NELL2: variants seen among roughly 807,000 people sequenced by gnomAD.
The protein encoded by NELL2 is neural EGFL like 2, also known as protein kinase C-binding protein NELL2.
In NELL2, 41 loss-of-function variants were observed where a neutral mutation model predicts 109.6. That is an observed-to-expected ratio of 0.37 (90% CI 0.29 to 0.49). The LOEUF is 0.49. Among genes scored for constraint, NELL2 ranks in the 20% least tolerant of loss-of-function variants. NELL2 has a pLI of 0.98. For missense variants in NELL2, 900 were observed against 1,008.3 expected (o/e 0.89, Z 1.45); for synonymous variants, 355 against 344.7 (o/e 1.03, Z -0.33).
intron 13 of NELL2, among the ~76,000 whole-genome samples, chr12:44,640,096 T>C (rs1371707043): frequency 6.6e-6 from 1 of 152,210 alleles, no homozygotes; most frequent in Non-Finnish European, 1.5e-5. Flanking sequence ...TGTATAGTTT[T>C]CATAGTTTAC....
intron 12 of NELL2, among the ~76,000 whole-genome samples, chr12:44,685,802 C>T (rs1412909310): frequency 6.6e-6 from 1 of 152,130 alleles, no homozygotes; most frequent in African/African-American, 2.4e-5. Flanking sequence ...GTCTGATGGG[C>T]TTCCCTTTGA....
intron 13 of NELL2, among the ~76,000 whole-genome samples, chr12:44,638,179 T>C (rs1946718862): frequency 6.6e-6 from 1 of 152,110 alleles, no homozygotes; most frequent in South Asian, 2.1e-4. Flanking sequence ...TTCCTTCCTC[T>C]AGTCTTTCTT....
intron 2 of NELL2, among the ~76,000 whole-genome samples, chr12:44,859,977 T>G (rs1944791144): frequency 1.3e-5 from 2 of 152,220 alleles, no homozygotes; most frequent in Non-Finnish European, 1.5e-5. Flanking sequence ...GTGTTGTCCC[T>G]TCTATCTTCA....
intron 1 of NELL2, among the ~76,000 whole-genome samples, chr12:44,907,349 A>C (rs1393593618): frequency 6.6e-6 from 1 of 152,142 alleles, no homozygotes; most frequent in Non-Finnish European, 1.5e-5. Context: ...AAAGCTCTGA[A>C]AGAGAAAAAC....
chr12:44,902,875 T>C (rs1336919195), intron 1 of NELL2, among the ~76,000 whole-genome samples: 1 of 152,194 alleles, frequency 6.6e-6, no homozygotes, highest in Non-Finnish European at 1.5e-5. Flanking sequence ...ACTGTACCCC[T>C]TCCTTATACC....
At chr12:44,588,734 A>AT (rs1944637085) in intron 15 of NELL2, among the ~76,000 whole-genome samples, 1 of 152,154 alleles carries the variant, frequency 6.6e-6, no homozygotes, top group East Asian at 1.9e-4. Context: ...TTTTAACCAT[A>AT]TTTAAGTGTA....
chr12:44,753,326 C>T (rs1364964385), intron 9 of NELL2, among the ~76,000 whole-genome samples: 2 of 152,186 alleles, frequency 1.3e-5, no homozygotes, highest in Non-Finnish European at 2.9e-5. Context: ...CATTCCCTAC[C>T]TTGTCCCTTC....
intron 3 of NELL2, among the ~76,000 whole-genome samples, chr12:44,799,818 T>C (rs945131164): frequency 2.0e-5 from 3 of 152,156 alleles, no homozygotes; most frequent in African/African-American, 7.2e-5. Flanking sequence ...ATGAAACTCC[T>C]ACCCAAGAGT....
intron 15 of NELL2, among the ~76,000 whole-genome samples, chr12:44,560,762 G>T (rs559995176): frequency 6.6e-6 from 1 of 152,292 alleles, no homozygotes; most frequent in Non-Finnish European, 1.5e-5. Flanking sequence ...ATAAAGAGGA[G>T]CTGCTATCAT....
At position 44,508,547 on chromosome 12, in the gene NELL2, T is replaced by C. The variant is rs1940830797; in HGVS notation, c.*387A>G. On this transcript the variant is annotated 3_prime_UTR_variant, in exon 20 of 20. Transcript: ENST00000429094. ...TTCATTCACTGCCTGACATTTTATT[T>C]CTTGCAGTGAGGAACCTAACTGATT... 5.9e-6 allele frequency: 1 copy of C among 168,352 alleles called. No individual in the cohort carries two copies. Among genetic ancestry groups the C allele is most frequent in the African/African-American group, 2.4e-5 (1 of 41,940 alleles). 10.4% of individuals were successfully genotyped at this position (168,352 alleles called of 1,614,324 possible).
intron 1 of NELL2, among the ~76,000 whole-genome samples, chr12:44,920,833 A>C (rs1180548810): frequency 6.6e-6 from 1 of 152,218 alleles, no homozygotes; most frequent in Non-Finnish European, 1.5e-5. Context: ...TGTTACCAAC[A>C]AATCCATAAA....
chr12:44,863,693 T>C (rs950378725), intron 2 of NELL2, among the ~76,000 whole-genome samples: 23 of 152,158 alleles, frequency 1.5e-4, no homozygotes, highest in African/African-American at 5.5e-4. Context: ...AGGATGCTAA[T>C]TAGTAACATG....
At chr12:44,592,244 A>G (rs1013386835) in intron 15 of NELL2, among the ~76,000 whole-genome samples, 8 of 152,236 alleles carry the variant, frequency 5.3e-5, no homozygotes, top group African/African-American at 1.9e-4. Flanking sequence ...TGATTTAATA[A>G]ATGTAAAGCA....
chr12:44,815,869 G>C, intron 3 of NELL2, 117 bp downstream of exon 3: 1 of 1,151,802 alleles, frequency 8.7e-7, no homozygotes, highest in Non-Finnish European at 1.2e-6. Context: ...TGCCCACCTC[G>C]GCTTCCCAAA....
In NELL2 at chr12:44,779,993, C is replaced by T. The variant is rs1262885427; in HGVS notation, c.365G>A (p.Arg122Gln). ...GCGGTAATGCAGTCTGACTTCATTC[C>T]GATGGCCACTACTTTCCAGTTCCAG... is the stretch of plus-strand genomic sequence containing the variant. ...RYLELESSGH[R>Q]NEVRLHYRSG... is the part of the protein sequence containing the mutation. The change falls in exon 4 of 20, where the codon CGG becomes CAG. Residue 122 changes from arginine to glutamine, a missense_variant. Coordinates refer to ENST00000429094, the MANE Select transcript of NELL2 (RefSeq NM_001145108.2). The T allele has an allele frequency of 2.0e-5, 32 of 1,613,558 alleles. No individual in the cohort carries two copies. The highest frequency in any genetic ancestry group is 3.3e-5 in the Admixed American group (2 of 59,982).
rs1328360443 is a variant in NELL2 at position 44,844,192 on chromosome 12, C to A, written c.185-28056G>T. Among the ~76,000 whole-genome samples the A allele has an allele frequency of 2.6e-5, 4 of 152,306 alleles. No homozygotes were observed. In the East Asian group the frequency reaches 5.8e-4, roughly 22 times the overall value. ...AAGGGAGAAACCTTTACAGCCTAAA[C>A]ATCTCTGAAAGATTCCATCTCTTAA... On this transcript the variant is annotated intron_variant, in intron 2 of 19. Coordinates refer to ENST00000429094, the MANE Select transcript of NELL2 (RefSeq NM_001145108.2).
intron 16 of NELL2, among the ~76,000 whole-genome samples, chr12:44,530,644 G>A (rs1258380577): frequency 2.6e-5 from 4 of 152,114 alleles, no homozygotes; most frequent in East Asian, 1.9e-4. Flanking sequence ...TCCGATATTC[G>A]GCATCTGCTC....
chr12:44,827,168 G>A (rs1943737606), intron 2 of NELL2, among the ~76,000 whole-genome samples: 1 of 151,948 alleles, frequency 6.6e-6, no homozygotes, highest in Admixed American at 6.6e-5. Context: ...AAAATTATGT[G>A]GATCCAAGGT....
At chr12:44,720,377 C>A (rs1938702595) in intron 9 of NELL2, among the ~76,000 whole-genome samples, 3 of 151,992 alleles carry the variant, frequency 2.0e-5, no homozygotes, top group South Asian at 4.1e-4. Flanking sequence ...CTCATTTTTC[C>A]CTTTACATTT....
Sources: allele counts gnomAD v4.1 joint callset (sites outside exome capture counted in the v4.1 genomes callset), GRCh38; gene constraint gnomAD v4.1.1; transcripts MANE v1.5; gene names NCBI Gene and HGNC (gene_info 2026-07-23, HGNC 2026-07-21).